Variants in CCDC192 observed in about 807,000 individuals in gnomAD.
The protein encoded by CCDC192 is coiled-coil domain containing 192, also known as coiled-coil domain-containing protein 192.
chr5:127,871,698 T>A (rs191701368), intron 5 of CCDC192, among the ~76,000 whole-genome samples: 2 of 152,310 alleles, frequency 1.3e-5, no homozygotes, highest in East Asian at 3.9e-4. Context: ...CAACTTTGTG[T>A]TGACGCTCTT....
rs552338256 is a variant in CCDC192 at position 127,914,716 on chromosome 5, T to G, written c.536-26466T>G. ...AGTCAATAATAACAGTAGTTAACAT[T>G]TCTAGAGCAATTACTATGTCACAGC... On this transcript the variant is annotated intron_variant, in intron 6 of 6. Coordinates refer to ENST00000514853, the MANE Select transcript of CCDC192 (RefSeq NM_001317938.2). Among the ~76,000 whole-genome samples the G allele has an allele frequency of 4.6e-5, 7 of 152,280 alleles. 1 individual carries two copies. The highest frequency in any genetic ancestry group is 6.5e-5 in the Admixed American group (1 of 15,302).
At chr5:127,786,635 G>A (rs765065543) in intron 3 of CCDC192, 60 of 759,476 alleles carry the variant, frequency 7.9e-5, no homozygotes, top group Admixed American at 1.2e-4. Flanking sequence ...TACTGAGGTA[G>A]GCACAAATTC....
chr5:127,777,006 G>A (rs1221883008), intron 3 of CCDC192, among the ~76,000 whole-genome samples: 4 of 152,206 alleles, frequency 2.6e-5, no homozygotes, highest in Admixed American at 1.3e-4. Context: ...TGGGGTGGGA[G>A]CCCCCACACA....
chr5:127,842,464 C>T (rs918056781), intron 5 of CCDC192, among the ~76,000 whole-genome samples: 2 of 152,180 alleles, frequency 1.3e-5, no homozygotes, highest in Non-Finnish European at 2.9e-5. Flanking sequence ...GCAATCCTCC[C>T]ACCTTGGCCT....
intron 5 of CCDC192, among the ~76,000 whole-genome samples, chr5:127,856,293 T>C (rs1580756680): frequency 1.3e-5 from 2 of 152,252 alleles, no homozygotes; most frequent in Admixed American, 1.3e-4. Context: ...CTTTACTAGC[T>C]TCCAACTTTT....
intron 2 of CCDC192, among the ~76,000 whole-genome samples, chr5:127,734,068 C>G (rs1294980944): frequency 7.3e-6 from 1 of 136,708 alleles, no homozygotes; most frequent in Admixed American, 7.5e-5. Context: ...CGATGCTATC[C>G]CTCCTCCCTC....
chr5:127,730,073 T>C (rs979464609), intron 2 of CCDC192, among the ~76,000 whole-genome samples: 1 of 151,682 alleles, frequency 6.6e-6, no homozygotes, highest in Admixed American at 6.6e-5. Flanking sequence ...AAAAATCAAT[T>C]AATCCAGGAC....
chr5:127,886,699 T>C (rs1752571199), intron 6 of CCDC192, among the ~76,000 whole-genome samples: 1 of 152,230 alleles, frequency 6.6e-6, no homozygotes, highest in Non-Finnish European at 1.5e-5. Context: ...AAGCTTCTAG[T>C]CAACAGCAGG....
intron 6 of CCDC192, among the ~76,000 whole-genome samples, chr5:127,884,401 A>T (rs1752486611): frequency 6.6e-6 from 1 of 151,452 alleles, no homozygotes; most frequent in Admixed American, 6.6e-5. Context: ...TCAAAAAAAA[A>T]AAAATACAGA....
intron 5 of CCDC192, among the ~76,000 whole-genome samples, chr5:127,810,853 C>G (rs1758042111): frequency 6.6e-6 from 1 of 152,174 alleles, no homozygotes; most frequent in Non-Finnish European, 1.5e-5. Flanking sequence ...GTGGTCCTCT[C>G]TCCCTCCTGG....
chr5:127,891,086 C>T (rs747384642), intron 6 of CCDC192, among the ~76,000 whole-genome samples: 1 of 152,202 alleles, frequency 6.6e-6, no homozygotes, highest in Non-Finnish European at 1.5e-5. Flanking sequence ...GAGTCTTGCT[C>T]TGTCGCCCAG....
intron 5 of CCDC192, among the ~76,000 whole-genome samples, chr5:127,815,793 G>A (rs1349111902): frequency 6.6e-6 from 1 of 152,002 alleles, no homozygotes; most frequent in East Asian, 1.9e-4. Flanking sequence ...GCATGAACCT[G>A]GGAGGCGGAG....
At chr5:127,794,453 A>G (rs1196054592) in intron 3 of CCDC192, among the ~76,000 whole-genome samples, 1 of 152,240 alleles carries the variant, frequency 6.6e-6, no homozygotes, top group South Asian at 2.1e-4. Context: ...TTGAGATACT[A>G]AAATAAATTT....
intron 6 of CCDC192, among the ~76,000 whole-genome samples, chr5:127,915,380 A>G (rs1192784220): frequency 6.6e-6 from 1 of 152,080 alleles, no homozygotes; most frequent in African/African-American, 2.4e-5. Flanking sequence ...AAAACTTCAT[A>G]AACTTTCTTT....
In CCDC192 at chr5:127,893,116, G is replaced by A. The variant is rs539338055; in HGVS notation, c.535+17455G>A. ...TGTTAGAAGTCAAGCAGACCTTAGC[G>A]ATAATCTTGTCCACTCCCATGTTTT... On this transcript the variant is annotated intron_variant, in intron 6 of 6. Coordinates refer to ENST00000514853, the MANE Select transcript of CCDC192 (RefSeq NM_001317938.2). Among the ~76,000 whole-genome samples the A allele has an allele frequency of 1.4e-4, 21 of 152,262 alleles. 1 individual carries two copies. The South Asian group carries it at 3.3e-3, about 24-fold the overall frequency.
chr5:127,828,909 T>C (rs1420851158), intron 5 of CCDC192, among the ~76,000 whole-genome samples: 1 of 152,132 alleles, frequency 6.6e-6, no homozygotes, highest in Admixed American at 6.6e-5. Flanking sequence ...TATAGTCAGA[T>C]TTATATTATA....
At chr5:127,921,150 A>AG (rs1001584373) in intron 6 of CCDC192, among the ~76,000 whole-genome samples, 25 of 149,916 alleles carry the variant, frequency 1.7e-4, no homozygotes, top group Admixed American at 6.7e-5. Context: ...AGGAGAGGAA[A>AG]GGAAAGGAGA....
At chr5:127,846,417 C>A (rs1750539876) in intron 5 of CCDC192, among the ~76,000 whole-genome samples, 1 of 152,066 alleles carries the variant, frequency 6.6e-6, no homozygotes, top group Non-Finnish European at 1.5e-5. Flanking sequence ...CCCCACACAC[C>A]CCTTACGCCC....
At chr5:127,708,558 A>G (rs1397102001) in intron 2 of CCDC192, among the ~76,000 whole-genome samples, 1 of 152,190 alleles carries the variant, frequency 6.6e-6, no homozygotes, top group African/African-American at 2.4e-5. Flanking sequence ...GAGGCAGTAT[A>G]GTATGGAGAA....
Sources: allele counts gnomAD v4.1 joint callset (sites outside exome capture counted in the v4.1 genomes callset), GRCh38; gene constraint gnomAD v4.1.1; transcripts MANE v1.5; gene names NCBI Gene and HGNC (gene_info 2026-07-23, HGNC 2026-07-21).